Variants in ECD observed in about 807,000 individuals in gnomAD.
The protein encoded by ECD is ecdysoneless cell cycle regulator.
ECD carries 59 observed loss-of-function variants against 77.2 expected under a neutral mutation model. That is an observed-to-expected ratio of 0.76 (90% confidence interval 0.62 to 0.95). The LOEUF (loss-of-function observed/expected upper bound fraction) is 0.95. ECD is among the 40% of genes least tolerant of loss of function. ECD has a pLI of 0.00. For synonymous variants in ECD, 233 were observed against 267.4 expected (o/e 0.87, Z 1.26); for missense variants, 704 against 763.4 (o/e 0.92, Z 0.92).
intron 7 of ECD, among the ~76,000 whole-genome samples, chr10:73,152,035 G>A (rs1843215755): frequency 2.0e-5 from 3 of 151,720 alleles, no homozygotes; most frequent in Non-Finnish European, 4.4e-5. Flanking sequence ...CAATTTTTAT[G>A]TTCAAATATT....
rs1466266439 is a variant in ECD, at chr10:73,134,743, G to A, written c.1775C>T (p.Ala592Val). The change falls in exon 14 of 14, where the codon GCA (alanine) becomes GTA (valine). Residue 592 changes from alanine to valine, a missense_variant. Coordinates refer to ENST00000372979, the MANE Select transcript of ECD (RefSeq NM_007265.3). ...EDSGTGESVM[A>V]PVDVDLNLVS... The stretch of plus-strand genomic sequence containing the variant: ...CAGGTTCAGGTCTACATCTACTGGT[G>A]CCATAACAGATTCTCCCGTACCAGA... 6.2e-7 allele frequency: 1 copy of A among 1,614,010 alleles called. No individual in the cohort carries two copies. The highest frequency in any genetic ancestry group is 1.3e-5 in the African/African-American group (1 of 74,874).
intron 9 of ECD, 113 bp downstream of exon 9, chr10:73,146,163 G>A (rs1843125702): frequency 2.4e-6 from 1 of 422,252 alleles, no homozygotes; most frequent in Non-Finnish European, 3.5e-6. Flanking sequence ...GGGTGACAGA[G>A]TGAGACTCCG....
At chr10:73,159,542 T>C in intron 3 of ECD, among the ~76,000 whole-genome samples, 1 of 152,174 alleles carries the variant, frequency 6.6e-6, no homozygotes, top group South Asian at 2.1e-4. Flanking sequence ...GTTTACCACA[T>C]GTATTTGTTT....
At chr10:73,139,787 A>G in intron 9 of ECD, 50 bp from the exon 10 acceptor site, 1 of 1,281,966 alleles carries the variant, frequency 7.8e-7, no homozygotes, top group Non-Finnish European at 1.1e-6. Context: ...AACATAGAAT[A>G]GTAATCATAA....
intron 8 of ECD, among the ~76,000 whole-genome samples, chr10:73,147,420 G>A (rs1162503503): frequency 6.6e-6 from 1 of 151,964 alleles, no homozygotes; most frequent in African/African-American, 2.4e-5. Flanking sequence ...TGGTAGTGTG[G>A]GCCTGTAATC....
At chr10:73,147,425 G>A (rs1034279924) in intron 8 of ECD, among the ~76,000 whole-genome samples, 4 of 152,068 alleles carry the variant, frequency 2.6e-5, no homozygotes, top group African/African-American at 4.8e-5. Flanking sequence ...GTGTGGGCCT[G>A]TAATCCCAGT....
intron 1 of ECD, among the ~76,000 whole-genome samples, chr10:73,166,014 C>T (rs889270644): frequency 6.6e-6 from 1 of 152,136 alleles, no homozygotes; most frequent in Non-Finnish European, 1.5e-5. Context: ...CTTGCTATCT[C>T]CATGAGTTCA....
intron 9 of ECD, among the ~76,000 whole-genome samples, chr10:73,140,907 G>A (rs145029625): frequency 8.6e-4 from 129 of 150,202 alleles, no homozygotes; most frequent in African/African-American, 3.0e-3. Context: ...TATAAAACAC[G>A]TACTAAAAAT....
chr10:73,166,580 T>G (rs1041904426), intron 1 of ECD, among the ~76,000 whole-genome samples: 5 of 152,226 alleles, frequency 3.3e-5, no homozygotes, highest in Admixed American at 2.0e-4. Context: ...TTGAGCACCT[T>G]TTCATAAACC....
At chr10:73,140,205 G>A (rs1409997988) in intron 9 of ECD, among the ~76,000 whole-genome samples, 3 of 151,802 alleles carry the variant, frequency 2.0e-5, no homozygotes, top group African/African-American at 4.8e-5. Flanking sequence ...GGTTGGTCTC[G>A]AACTCCTGAC....
chr10:73,138,955 C>G (rs1207498454), intron 11 of ECD, among the ~76,000 whole-genome samples: 3 of 137,718 alleles, frequency 2.2e-5, no homozygotes, highest in Admixed American at 7.0e-5. Context: ...TGATGAATTC[C>G]TTTTTCAGTA....
intron 13 of ECD, among the ~76,000 whole-genome samples, chr10:73,135,695 T>C (rs968697436): frequency 1.3e-5 from 2 of 151,778 alleles, no homozygotes; most frequent in Non-Finnish European, 2.9e-5. Context: ...TACTCCAGCC[T>C]GGGTGACAGA....
At chr10:73,136,326 A>C (rs1334931606) in intron 13 of ECD, among the ~76,000 whole-genome samples, 1 of 152,222 alleles carries the variant, frequency 6.6e-6, no homozygotes, top group East Asian at 1.9e-4. Context: ...ACTGTGGCCC[A>C]AGGCATAGTC....
intron 1 of ECD, among the ~76,000 whole-genome samples, chr10:73,166,383 T>G (rs1318957891): frequency 1.3e-5 from 2 of 152,204 alleles, no homozygotes; most frequent in African/African-American, 4.8e-5. Context: ...TATTTTTAGT[T>G]TCTTGAGGAA....
intron 1 of ECD, among the ~76,000 whole-genome samples, chr10:73,166,229 T>C (rs189781782): frequency 5.0e-4 from 76 of 152,290 alleles, no homozygotes; most frequent in African/African-American, 1.6e-3. Flanking sequence ...TATCTGTTGA[T>C]GGACACTTAG....
At chr10:73,155,706 C>T (rs934897897) in intron 5 of ECD, among the ~76,000 whole-genome samples, 9 of 149,372 alleles carry the variant, frequency 6.0e-5, no homozygotes, top group Non-Finnish European at 1.2e-4. Context: ...TCAAGCGATT[C>T]TCCTTGCCTC....
intron 2 of ECD, 140 bp downstream of exon 2, chr10:73,163,593 A>AT: frequency 1.4e-6 from 1 of 732,254 alleles, no homozygotes; most frequent in East Asian, 2.7e-5. Flanking sequence ...AACTGAATAT[A>AT]GACAAGTATT....
In ECD at chr10:73,148,304, T is replaced by C. The variant is rs1288578953; in HGVS notation, c.1013A>G (p.Glu338Gly). 1.3e-5 allele frequency: 21 copies of C among 1,613,636 alleles called. No homozygotes were observed. The highest frequency in any genetic ancestry group is 1.7e-5 in the Admixed American group (1 of 59,974). ...TASPLWASFL[E>G]SLKKNDYFKG... ...AAAGTAATCATTCTTTTTCAGACTT[T>C]CAAGGAAACTGGCCCAGAGTGGTGA... The change falls in exon 8 of 14, where the codon GAA becomes GGA. Residue 338 changes from glutamate to glycine, a missense_variant. Physicochemically the swap from Glu to Gly is moderately conservative, Grantham distance 98. Around this residue, in one of 3 missense-constraint regions of ECD, gnomAD observed 559 missense variants for 583.7 expected, o/e 0.96. Coordinates refer to ENST00000372979, the MANE Select transcript of ECD (RefSeq NM_007265.3).
At chr10:73,156,248 T>G (rs773421719) in intron 5 of ECD, 27 bp downstream of exon 5, 7 of 1,533,474 alleles carry the variant, frequency 4.6e-6, no homozygotes, top group Non-Finnish European at 5.2e-6. Flanking sequence ...GTTCCTTAAT[T>G]AGCAATGAAA....
Sources: allele counts gnomAD v4.1 joint callset (sites outside exome capture counted in the v4.1 genomes callset), GRCh38; gene constraint gnomAD v4.1.1; regional missense constraint gnomAD v4.1.1; transcripts MANE v1.5; gene names NCBI Gene and HGNC (gene_info 2026-07-23, HGNC 2026-07-21).